Variants in KIF15 observed in about 807,000 individuals in gnomAD.
KIF15 encodes the protein kinesin-like protein KIF15.
In KIF15, 140 loss-of-function variants were observed where a neutral mutation model predicts 190.6. That is an observed-to-expected ratio of 0.73 (90% CI 0.64 to 0.84). KIF15 has a LOEUF of 0.84. Among genes scored for constraint, KIF15 ranks in the 40% least tolerant of loss-of-function variants. KIF15 has a pLI of 0.00. For missense variants in KIF15, 1,372 were observed against 1,584.4 expected (o/e 0.87, Z 2.28); for synonymous variants, 528 against 551.3 (o/e 0.96, Z 0.59).
chr3:44,803,057 G>T, intron 14 of KIF15, 66 bp downstream of exon 14: 1 of 1,423,980 alleles, frequency 7.0e-7, no homozygotes, highest in Non-Finnish European at 9.5e-7. Flanking sequence ...CATTTTTAGT[G>T]CCTTGTGACT....
intron 20 of KIF15, among the ~76,000 whole-genome samples, chr3:44,817,851 A>G (rs1315446349): frequency 6.6e-6 from 1 of 152,164 alleles, no homozygotes; most frequent in Non-Finnish European, 1.5e-5. Flanking sequence ...CATTTTCACA[A>G]TATTGATTCT....
At chr3:44,841,373 G>A in intron 29 of KIF15, 135 bp downstream of exon 29, 1 of 582,858 alleles carries the variant, frequency 1.7e-6, no homozygotes, top group East Asian at 3.1e-5. Context: ...ATGCCACCAT[G>A]CCCAGCCAGT....
chr3:44,804,751 G>A (rs756993644), intron 14 of KIF15, among the ~76,000 whole-genome samples: 7 of 152,048 alleles, frequency 4.6e-5, no homozygotes, highest in Non-Finnish European at 7.4e-5. Context: ...CCTCCTTGTG[G>A]CCCAAAATTG....
downstream of KIF15, among the ~76,000 whole-genome samples, chr3:44,853,787 TTGAACA>T (rs2125734963): frequency 6.6e-6 from 1 of 152,360 alleles, no homozygotes; most frequent in African/African-American, 2.4e-5. Context: ...ACTAATGCTA[TTGAACA>T]TTTTTCCATA....
At chr3:44,815,628 C>T (rs749309870) in intron 20 of KIF15, among the ~76,000 whole-genome samples, 6 of 152,230 alleles carry the variant, frequency 3.9e-5, no homozygotes, top group Non-Finnish European at 8.8e-5. Flanking sequence ...ATAGTCTTCA[C>T]TGCTGTGCAC....
At chr3:44,864,392 G>A (rs750736067) in intron 6 of KIF15, 11 of 1,611,128 alleles carry the variant, frequency 6.8e-6, no homozygotes, top group Non-Finnish European at 7.6e-6. Context: ...TGGGTTCTGG[G>A]TGAGTTGTCT....
intron 6 of KIF15, 28 bp from the exon 7 acceptor site, chr3:44,786,367 G>A (rs768431790): frequency 6.4e-5 from 100 of 1,561,320 alleles, no homozygotes; most frequent in Non-Finnish European, 8.7e-5. Flanking sequence ...TGAAAATAAT[G>A]TATCTAAATG....
intron 18 of KIF15, among the ~76,000 whole-genome samples, chr3:44,812,513 A>G (rs921851084): frequency 1.3e-5 from 2 of 152,214 alleles, no homozygotes; most frequent in African/African-American, 4.8e-5. Context: ...ACAGGCATGC[A>G]TAGTCTAAAC....
chr3:44,837,718 T>C (rs901775294), intron 26 of KIF15, among the ~76,000 whole-genome samples: 65 of 152,134 alleles, frequency 4.3e-4, no homozygotes, highest in African/African-American at 1.5e-3. Context: ...AGGAATTACA[T>C]ATACTGTGTA....
At chr3:44,787,571 T>TATAC (rs1706471489) in intron 7 of KIF15, among the ~76,000 whole-genome samples, 1 of 152,166 alleles carries the variant, frequency 6.6e-6, no homozygotes, top group South Asian at 2.1e-4. Flanking sequence ...GTAGTATGTG[T>TATAC]ATACATACAT....
rs140974478 is a variant in KIF15, at chr3:44,776,610, G to A, written c.246+1173G>A. Among the ~76,000 whole-genome samples, 936 of 152,262 alleles carry A rather than the reference G, an allele frequency of 6.1e-3. 7 individuals are homozygous for A. Among genetic ancestry groups the A allele is most frequent in the Middle Eastern group, 0.01 (3 of 294 alleles). On this transcript the variant is annotated intron_variant, in intron 3 of 34. Transcript: ENST00000326047. ...GAAGATGCACTTTTTGGAGCCAGTG[G>A]ATGATTGAGAAGTACTGTTGAACTG... is the stretch of plus-strand genomic sequence containing the variant.
chr3:44,803,309 AG>A (rs151120836), intron 14 of KIF15, among the ~76,000 whole-genome samples: 1 of 152,346 alleles, frequency 6.6e-6, no homozygotes, highest in Non-Finnish European at 1.5e-5. Context: ...TGAAATGAAA[AG>A]TCTTTAACTA....
At chr3:44,820,128 C>A (rs1708198901) in intron 20 of KIF15, among the ~76,000 whole-genome samples, 1 of 152,030 alleles carries the variant, frequency 6.6e-6, no homozygotes, top group Admixed American at 6.6e-5. Flanking sequence ...TTATTTTGAA[C>A]CTATGTGTGT....
chr3:44,810,796 G>T (rs1172698367), intron 16 of KIF15, 50 bp from the exon 17 acceptor site: 6 of 1,387,610 alleles, frequency 4.3e-6, no homozygotes, highest in Admixed American at 2.1e-5. Flanking sequence ...TATTAAATAT[G>T]CCCTTTTTAA....
At chr3:44,830,440 A>G (rs1698011025) in intron 25 of KIF15, among the ~76,000 whole-genome samples, 1 of 151,072 alleles carries the variant, frequency 6.6e-6, no homozygotes, top group African/African-American at 2.4e-5. Context: ...AGGAAAAAGT[A>G]ACACAGTAGC....
At position 44,800,390 on chromosome 3, in the gene KIF15, C is replaced by T. The variant is rs1194016569; in HGVS notation, c.1175C>T (p.Ala392Val). 6.8e-6 allele frequency: 11 copies of T among 1,614,096 alleles called. No homozygotes were observed. The highest frequency in any genetic ancestry group is 1.1e-5 in the South Asian group (1 of 91,078). ...AEVKRLKEQL[A>V]ELASGQTPPE... is the part of the protein sequence containing the mutation. Reference sequence around the variant, plus strand: ...GTGAAGAGGCTCAAAGAACAACTGGCGGAGCTTGCTTCAGGACAGACACCA... The same window carrying T: ...GTGAAGAGGCTCAAAGAACAACTGGTGGAGCTTGCTTCAGGACAGACACCA... Residue 392 changes from alanine to valine, a missense_variant, in exon 11 of 35, where the codon GCG (alanine) becomes GTG (valine). Ala to Val is a moderately conservative substitution (Grantham distance 64). Coordinates refer to ENST00000326047, the MANE Select transcript of KIF15 (RefSeq NM_020242.3).
chr3:44,849,570 A>G (rs368090528), intron 32 of KIF15, among the ~76,000 whole-genome samples: 18 of 152,326 alleles, frequency 1.2e-4, no homozygotes, highest in East Asian at 3.9e-4. Context: ...TAAGAAATAC[A>G]TGAACAAATT....
At chr3:44,862,260 T>C in intron 6 of KIF15, 1 of 532,712 alleles carries the variant, frequency 1.9e-6, no homozygotes, top group Non-Finnish European at 2.4e-6. Flanking sequence ...CTCGCCGGTC[T>C]GTCCCGCCGG....
At position 44,866,352 on chromosome 3, in the gene KIF15, G is replaced by T. The variant is rs147270721; in HGVS notation, c.*60-6977G>T. Among the ~76,000 whole-genome samples the T allele has an allele frequency of 2.2e-4, 34 of 152,246 alleles. 3 individuals carry two copies. The East Asian group carries it at 6.6e-3, about 29-fold the overall frequency. ...CTCCCAAAGTGCTGGGATTACAGGC[G>T]TGAGCCACTGCACCTGGCCCCCTTG... On this transcript the variant is annotated intron_variant and NMD_transcript_variant, in intron 6 of 6. Transcript: ENST00000422209.
Sources: gnomAD v4.1 joint callset for allele counts (sites outside exome capture counted in the v4.1 genomes callset) on GRCh38, gnomAD v4.1.1 for gene constraint, MANE v1.5 for transcripts, NCBI Gene and HGNC (gene_info 2026-07-23, HGNC 2026-07-21) for gene names.